Variants in BBIP1 observed in about 807,000 individuals in gnomAD.
The protein encoded by BBIP1 is BBSome interacting protein 1.
A neutral mutation model predicts 8.9 loss-of-function variants in BBIP1; 6 were observed. The ratio of observed to expected loss-of-function variants is 0.67; its 90% CI spans 0.37 to 1.33. The LOEUF is 1.33. Ranked by LOEUF, BBIP1 falls within the 40% of genes most tolerant of loss-of-function variation. The pLI is 0.02. For synonymous variants in BBIP1, 32 were observed against 33.4 expected (o/e 0.96, Z 0.14); for missense variants, 111 against 109.2 (o/e 1.02, Z -0.07).
intron 2 of BBIP1, among the ~76,000 whole-genome samples, chr10:110,905,739 G>T (rs902932662): frequency 2.0e-5 from 3 of 152,054 alleles, no homozygotes; most frequent in African/African-American, 7.2e-5. Flanking sequence ...GGAAAACTAG[G>T]TATCACTTCA....
At chr10:110,907,149 T>C (rs1259995695) in intron 2 of BBIP1, 2 of 152,236 alleles carry the variant, frequency 1.3e-5, no homozygotes, top group African/African-American at 4.8e-5. Flanking sequence ...AGATGTTTAT[T>C]TTCTGGAGCA....
intron 2 of BBIP1, chr10:110,907,930 G>T: frequency 1.7e-6 from 1 of 587,114 alleles, no homozygotes. Context: ...AAACAGGGGA[G>T]TTGAGTATAT....
chr10:110,917,829 T>TTA (rs34126773), intron 2 of BBIP1: 2 of 400,120 alleles, frequency 5.0e-6, no homozygotes, highest in African/African-American at 2.0e-5. Context: ...ATAAGCGCTA[T>TTA]TATATATATA....
At chr10:110,905,608 A>G (rs1846113814) in intron 2 of BBIP1, among the ~76,000 whole-genome samples, 1 of 151,406 alleles carries the variant, frequency 6.6e-6, no homozygotes, top group Non-Finnish European at 1.5e-5. Context: ...ATTTAGTTGG[A>G]TAACCAAATT....
intron 1 of BBIP1, among the ~76,000 whole-genome samples, 158 bp from the exon 2 acceptor site, chr10:110,918,371 G>A (rs539157886): frequency 1.4e-3 from 216 of 152,360 alleles, no homozygotes; most frequent in Middle Eastern, 3.4e-3. Context: ...GAGAGACGCG[G>A]AAAGGGGGGA....
chr10:110,911,394 G>C (rs994481251), intron 2 of BBIP1: 1 of 152,034 alleles, frequency 6.6e-6, no homozygotes, highest in Non-Finnish European at 1.5e-5. Flanking sequence ...CTTTCCTTTA[G>C]TTAGCCTAGT....
chr10:110,906,299 C>G (rs1463202908), intron 2 of BBIP1, among the ~76,000 whole-genome samples: 1 of 152,206 alleles, frequency 6.6e-6, no homozygotes, highest in African/African-American at 2.4e-5. Flanking sequence ...AGCCACCGTG[C>G]CTGGCCTCAT....
chr10:110,912,820 T>C (rs1846310638), intron 2 of BBIP1, among the ~76,000 whole-genome samples: 1 of 152,192 alleles, frequency 6.6e-6, no homozygotes, highest in African/African-American at 2.4e-5. Flanking sequence ...CTACTACTCC[T>C]AACCTGTCAC....
chr10:110,901,013 T>C (rs1297975019), intron 3 of BBIP1: 1 of 338,722 alleles, frequency 3.0e-6, no homozygotes, highest in East Asian at 1.0e-4. Flanking sequence ...GAGTAGGGCA[T>C]GGTAGCTCTT....
intron 2 of BBIP1, among the ~76,000 whole-genome samples, chr10:110,917,191 C>G (rs369140252): frequency 1.3e-3 from 166 of 129,124 alleles, no homozygotes; most frequent in African/African-American, 4.2e-3. Context: ...TGACTGGATC[C>G]TGATTTTTTT....
intron 2 of BBIP1, chr10:110,907,669 T>C (rs771976595): frequency 3.0e-6 from 2 of 665,670 alleles, no homozygotes; most frequent in East Asian, 2.8e-5. Flanking sequence ...TGAAAAGTGA[T>C]TGTTCTTAAC....
intron 3 of BBIP1, chr10:110,901,166 C>A: frequency 2.2e-6 from 1 of 446,534 alleles, no homozygotes; most frequent in Non-Finnish European, 4.4e-6. Flanking sequence ...TAGCACATGC[C>A]TGTAGTACTA....
chr10:110,915,070 T>C (rs753737017), intron 2 of BBIP1, among the ~76,000 whole-genome samples: 2 of 152,226 alleles, frequency 1.3e-5, no homozygotes, highest in Non-Finnish European at 2.9e-5. Flanking sequence ...CCCCAAATCA[T>C]CGCATCAAAA....
At position 110,899,148 on chromosome 10, in the gene BBIP1, CCT is replaced by C. The variant is rs1415433303; in HGVS notation, c.*1210_*1211del. On this transcript the variant is annotated 3_prime_UTR_variant, in exon 4 of 4. Coordinates refer to ENST00000448814, the MANE Select transcript of BBIP1 (RefSeq NM_001195305.3). ...CAATAAAGAATGATCATATTTTTAA[CCT>C]CTTTTACATAGCCTAATAACTCAGC... 6.6e-6 allele frequency: 1 copy of C among 152,150 alleles called. No individual in the cohort carries two copies. Among genetic ancestry groups the C allele is most frequent in the Non-Finnish European group, 1.5e-5 (1 of 68,016 alleles). The allele number at this position is 152,150 out of a possible 1,614,324, so 9.4% of individuals were successfully genotyped here. A position where few individuals can be genotyped will look rare whatever the true frequency, so the allele number is the denominator to read the frequency against.
intron 2 of BBIP1, chr10:110,908,011 C>T: frequency 2.2e-6 from 1 of 444,994 alleles, no homozygotes; most frequent in South Asian, 4.0e-5. Context: ...TTGCCTAGAA[C>T]ACACTTTGTA....
intron 2 of BBIP1, 111 bp from the exon 3 acceptor site, chr10:110,901,723 A>G: frequency 3.9e-6 from 3 of 764,810 alleles, no homozygotes; most frequent in Non-Finnish European, 2.2e-6. Context: ...AAAGTGAACT[A>G]CCCTAACCTT....
chr10:110,907,577 A>G (rs1846176377), intron 2 of BBIP1: 3 of 490,992 alleles, frequency 6.1e-6, no homozygotes, highest in South Asian at 3.5e-5. Flanking sequence ...AGGAAATGAG[A>G]TGAAGCATGA....
At chr10:110,913,475 T>C (rs143631567) in intron 2 of BBIP1, among the ~76,000 whole-genome samples, 55 of 152,362 alleles carry the variant, frequency 3.6e-4, no homozygotes, top group African/African-American at 1.3e-3. Context: ...CCTGTTTCAC[T>C]TACTTACTTT....
At chr10:110,900,672 A>G in intron 3 of BBIP1, 146 bp from the exon 4 acceptor site, 1 of 656,784 alleles carries the variant, frequency 1.5e-6, no homozygotes. Flanking sequence ...CTCTGGAACC[A>G]GAAAGATCAT....
Sources: allele counts gnomAD v4.1 joint callset (sites outside exome capture counted in the v4.1 genomes callset), GRCh38; gene constraint gnomAD v4.1.1; transcripts MANE v1.5; gene names NCBI Gene and HGNC (gene_info 2026-07-23, HGNC 2026-07-21).